The following ZBTB46 variants were observed in gnomAD, a reference collection of about 807,000 sequenced individuals.
The protein encoded by ZBTB46 is zinc finger and BTB domain containing 46.
ZBTB46 carries 8 observed loss-of-function variants against 44.1 expected under a neutral mutation model. That is an observed-to-expected ratio of 0.18 (90% CI 0.11 to 0.33). The LOEUF (loss-of-function observed/expected upper bound fraction) is 0.33. ZBTB46 is among the 10% of genes least tolerant of loss of function. ZBTB46 has a pLI of 1.00. For synonymous variants in ZBTB46, 409 were observed against 382.3 expected, an observed-to-expected ratio of 1.07 and a Z score of -0.81; for missense variants, 651 against 847.7, an observed-to-expected ratio of 0.77 and a Z score of 2.88.
In ZBTB46 at chr20:63,753,001, T is replaced by C. The variant is rs1202477539; in HGVS notation, c.1223-140A>G. On this transcript the variant is annotated intron_variant, in intron 3 of 4. Coordinates refer to ENST00000245663, the MANE Select transcript of ZBTB46 (RefSeq NM_001369741.1). Reference sequence around the variant, plus strand: ...CCACCCACTGGGGGCTGGTCAGCACTGCGACAGGCCAGGCTCCCCCACCAT... The same window carrying C: ...CCACCCACTGGGGGCTGGTCAGCACCGCGACAGGCCAGGCTCCCCCACCAT... The C allele has an allele frequency of 3.4e-6, 3 of 869,900 alleles. No individual in the cohort carries two copies. The African/African-American group carries it at 5.2e-5, about 15-fold the overall frequency. The allele number at this position is 869,900 out of a possible 1,614,324, so 53.9% of individuals were successfully genotyped here.
intron 1 of ZBTB46, among the ~76,000 whole-genome samples, chr20:63,815,825 G>A (rs1266790418): frequency 6.8e-6 from 1 of 146,236 alleles, no homozygotes; most frequent in Admixed American, 6.7e-5. Context: ...GGTGCAGTGA[G>A]TGCAGGTGAG....
At chr20:63,754,361 G>GCATTATCACACCCAACAGAGCAAACGCTC (rs2092200119) in intron 3 of ZBTB46, among the ~76,000 whole-genome samples, 3 of 152,138 alleles carry the variant, frequency 2.0e-5, no homozygotes, top group Non-Finnish European at 2.9e-5. Flanking sequence ...CCTGGTTCTC[G>GCATTATCACACCCAACAGAGCAAACGCTC]CATTATCACA....
In ZBTB46 at chr20:63,747,258, C is replaced by T. The variant is rs1288522628; in HGVS notation, c.1442G>A (p.Arg481His). 4 of 1,550,334 alleles carry T rather than the reference C, an allele frequency of 2.6e-6. No individual in the cohort carries two copies. Among genetic ancestry groups the T allele is most frequent in the Non-Finnish European group, 2.6e-6 (3 of 1,150,320 alleles). Residue 481 changes from arginine to histidine, a missense_variant, in exon 5 of 5, where the codon CGC becomes CAC. Coordinates refer to ENST00000245663, the MANE Select transcript of ZBTB46 (RefSeq NM_001369741.1). ...DKKYVCKVCSRVFMSAASVGI... is the reference protein window; with the variant it reads ...DKKYVCKVCSHVFMSAASVGI... ...CACGCTGGCGGCGGACATGAAGACG[C>T]GGCTGCACACCTTGCACACATACTT...
intron 1 of ZBTB46, among the ~76,000 whole-genome samples, chr20:63,813,719 C>T (rs988862236): frequency 3.9e-5 from 6 of 152,142 alleles, no homozygotes; most frequent in Non-Finnish European, 8.8e-5. Flanking sequence ...AGAAACGCAA[C>T]TTCAGGGACA....
intron 1 of ZBTB46, among the ~76,000 whole-genome samples, chr20:63,814,232 CAA>C (rs113002137): frequency 3.2e-4 from 23 of 71,514 alleles, no homozygotes; most frequent in African/African-American, 4.5e-4. Context: ...GACTCCGTCT[CAA>C]AAAAAAAAAA....
intron 1 of ZBTB46, among the ~76,000 whole-genome samples, chr20:63,804,767 C>T (rs2092670899): frequency 6.6e-6 from 1 of 151,876 alleles, no homozygotes; most frequent in South Asian, 2.1e-4. Flanking sequence ...TGGGGGGCGC[C>T]TGTAGTCCCA....
intron 3 of ZBTB46, among the ~76,000 whole-genome samples, chr20:63,756,322 G>A (rs894569808): frequency 5.3e-5 from 8 of 152,230 alleles, no homozygotes; most frequent in African/African-American, 1.9e-4. Context: ...GGCTTCAGAC[G>A]GGCAGACAGG....
At position 63,790,234 on chromosome 20, in the gene ZBTB46, G is replaced by A. The variant is rs377385397; in HGVS notation, c.524C>T (p.Thr175Met). 4.5e-5 allele frequency: 72 copies of A among 1,610,832 alleles called. No individual in the cohort carries two copies. The highest frequency in any genetic ancestry group is 1.3e-4 in the South Asian group (12 of 90,784). Reference sequence around the variant, plus strand: ...GTCTCCGGAAGAATTGGCAGGACTCGTTCGCCGTGCCAGCCACGGGGAGAT... The same window carrying A: ...GTCTCCGGAAGAATTGGCAGGACTCATTCGCCGTGCCAGCCACGGGGAGAT... Reference protein sequence around the residue: ...RSISPWLARRTSPANSSGDSA... With the variant: ...RSISPWLARRMSPANSSGDSA... The change falls in exon 2 of 5, where the codon ACG (threonine) becomes ATG (methionine). Residue 175 changes from threonine (T) to methionine (M), a missense_variant. By Grantham distance (81) the Thr-to-Met change is moderately conservative (BLOSUM62 -1). Coordinates refer to ENST00000245663, the MANE Select transcript of ZBTB46 (RefSeq NM_001369741.1).
At chr20:63,796,078 A>C (rs1387608974) in intron 1 of ZBTB46, among the ~76,000 whole-genome samples, 1 of 152,230 alleles carries the variant, frequency 6.6e-6, no homozygotes, top group Non-Finnish European at 1.5e-5. Context: ...GACCAAGGAA[A>C]TCTGAAGACC....
intron 1 of ZBTB46, among the ~76,000 whole-genome samples, chr20:63,800,709 TCCGC>T (rs1211566587): frequency 6.6e-6 from 1 of 152,178 alleles, no homozygotes; most frequent in African/African-American, 2.4e-5. Flanking sequence ...GCGGAGGGTG[TCCGC>T]CAGCAGTGCC....
At chr20:63,766,874 T>C (rs1156821815) in intron 3 of ZBTB46, among the ~76,000 whole-genome samples, 2 of 152,232 alleles carry the variant, frequency 1.3e-5, no homozygotes, top group African/African-American at 4.8e-5. Context: ...GACGCGTCTC[T>C]GGCCTGGGAG....
chr20:63,770,691 GGCCGGAC>G (rs74681134), intron 3 of ZBTB46, among the ~76,000 whole-genome samples: 15,425 of 152,118 alleles, frequency 0.1, 1,191 homozygotes, highest in East Asian at 0.45. Context: ...GAATTGCCAC[GGCCGGAC>G]GCTGTTTGTT....
chr20:63,746,602 T>G lies in ZBTB46; in HGVS notation c.*328A>C. On this transcript the variant is annotated 3_prime_UTR_variant, in exon 5 of 5. Coordinates refer to ENST00000245663, the MANE Select transcript of ZBTB46 (RefSeq NM_001369741.1). ...CCCACTGGACCCGGCCACAGGCCCA[T>G]CACGTGTCCAAGCCAGGCTGGCCAT... The G allele has an allele frequency of 6.6e-6, 2 of 301,978 alleles. No homozygotes were observed. The highest frequency in any genetic ancestry group is 6.1e-6 in the Non-Finnish European group (1 of 163,248). The allele number at this position is 301,978 out of a possible 1,614,324, so 18.7% of individuals were successfully genotyped here.
intron 1 of ZBTB46, among the ~76,000 whole-genome samples, chr20:63,802,392 AG>A (rs1399928777): frequency 3.3e-5 from 5 of 152,072 alleles, no homozygotes; most frequent in African/African-American, 1.2e-4. Flanking sequence ...ACTGCACTCC[AG>A]CCTGAGTGAC....
rs541651635 is a variant in ZBTB46 at position 63,743,783 on chromosome 20, C to T, written c.*3147G>A. The stretch of plus-strand genomic sequence containing the variant: ...CCTAGGCAGAAACTTGGAGACTCAC[C>T]GCAGAGGCCACGTGAACCCACGGCC... On this transcript the variant is annotated 3_prime_UTR_variant, in exon 5 of 5. Transcript: ENST00000245663. 6.6e-6 allele frequency: 1 copy of T among 152,466 alleles called. No individual in the cohort carries two copies. The highest frequency in any genetic ancestry group is 1.9e-4 in the East Asian group (1 of 5,334). The allele number at this position is 152,466 out of a possible 1,614,324, so 9.4% of individuals were successfully genotyped here. A position where few individuals can be genotyped will look rare whatever the true frequency, so the allele number is the denominator to read the frequency against.
rs1173186189 is a variant in ZBTB46 at position 63,747,967 on chromosome 20, G to A, written c.1399-666C>T. Among the ~76,000 whole-genome samples, 3 of 152,232 alleles carry A rather than the reference G, an allele frequency of 2.0e-5. No individual in the cohort carries two copies. In the East Asian group the frequency reaches 5.8e-4, roughly 29 times the overall value. On this transcript the variant is annotated intron_variant, in intron 4 of 4. Transcript: ENST00000245663. ...GACTGGAGCTCACAGAGCTCTTCCT[G>A]TACCCAGCCGTACAGGGACGGGCCG...
rs572243495 is a variant in ZBTB46 at position 63,746,676 on chromosome 20, G to C, written c.*254C>G. On this transcript the variant is annotated 3_prime_UTR_variant, in exon 5 of 5. Transcript: ENST00000245663. ...CACCACCTGCTGGGGACTTAGGACC[G>C]TGCTCTCCCTTCACTCAAACCCACC... The C allele has an allele frequency of 3.6e-5, 18 of 502,892 alleles. No individual in the cohort carries two copies. The highest frequency in any genetic ancestry group is 3.0e-4 in the African/African-American group (15 of 49,770). The allele number at this position is 502,892 out of a possible 1,614,324, so 31.2% of individuals were successfully genotyped here.
chr20:63,811,018 C>T (rs528793350), intron 1 of ZBTB46, among the ~76,000 whole-genome samples: 4 of 152,328 alleles, frequency 2.6e-5, no homozygotes, highest in Admixed American at 6.5e-5. Context: ...GAGCACCAGC[C>T]GGCGTCCGTG....
chr20:63,775,163 C>G (rs2092413816), intron 3 of ZBTB46: 1 of 153,254 alleles, frequency 6.5e-6, no homozygotes, highest in South Asian at 2.1e-4. Context: ...GTTTTAAAGA[C>G]AACCTCCGAC....
Sources: allele counts gnomAD v4.1 joint callset (sites outside exome capture counted in the v4.1 genomes callset), GRCh38; gene constraint gnomAD v4.1.1; transcripts MANE v1.5; gene names NCBI Gene and HGNC (gene_info 2026-07-23, HGNC 2026-07-21).